KIF6: variants seen among roughly 807,000 people sequenced by gnomAD.
KIF6 encodes kinesin-like protein KIF6.
Under a neutral mutation model 112.7 loss-of-function variants are expected in KIF6, and 106 were observed. That is an observed-to-expected ratio of 0.94 (90% CI 0.80 to 1.11). KIF6 has a LOEUF of 1.11. Among genes scored for constraint, KIF6 ranks in the 50% least tolerant of loss-of-function variants. The pLI, the probability that KIF6 is intolerant of heterozygous loss-of-function variation, is 0.00. For synonymous variants in KIF6, 339 were observed against 339.9 expected, an observed-to-expected ratio of 1.00 and a Z score of 0.03; for missense variants, 929 against 964.0, an observed-to-expected ratio of 0.96 and a Z score of 0.48.
intron 22 of KIF6, among the ~76,000 whole-genome samples, chr6:39,337,158 T>C (rs1045746058): frequency 9.8e-5 from 7 of 71,214 alleles, no homozygotes; most frequent in African/African-American, 5.9e-4. Flanking sequence ...CTCTTTCTTT[T>C]CTTTCTTTCC....
In KIF6 at chr6:39,724,211, G is replaced by A. The variant is rs570573924; in HGVS notation, c.66+1034C>T. Reference sequence around the variant, plus strand: ...CACGCCTGTAATCCCAGCACTTTGGGAGGCCGAGGCGGGCGGATCACAAGA... The same window carrying A: ...CACGCCTGTAATCCCAGCACTTTGGAAGGCCGAGGCGGGCGGATCACAAGA... On this transcript the variant is annotated intron_variant, in intron 1 of 22. Transcript: ENST00000287152. Among the ~76,000 whole-genome samples, 3 of 152,324 alleles carry A rather than the reference G, an allele frequency of 2.0e-5. No individual in the cohort carries two copies. The East Asian group carries it at 5.8e-4, about 29-fold the overall frequency.
In KIF6 at chr6:39,584,894, T is replaced by G. The variant is rs1781534874; in HGVS notation, c.1077+4A>C. 1 of 1,571,718 alleles carries G rather than the reference T, an allele frequency of 6.4e-7. No homozygotes were observed. On this transcript the variant is annotated splice_donor_region_variant and intron_variant, in intron 9 of 22. Coordinates refer to ENST00000287152, the MANE Select transcript of KIF6 (RefSeq NM_145027.6). ...TTTTTAAAATATCGTTAAAAGTTGCTTACTAATCTGGGGTTAATTTCTTCA... is the reference window on the plus strand; with the variant it reads ...TTTTTAAAATATCGTTAAAAGTTGCGTACTAATCTGGGGTTAATTTCTTCA...
At chr6:39,353,489 T>C (rs567040926) in intron 19 of KIF6, among the ~76,000 whole-genome samples, 36 of 152,252 alleles carry the variant, frequency 2.4e-4, no homozygotes, top group Non-Finnish European at 4.9e-4. Flanking sequence ...TTATCAGATA[T>C]ATGTTTTGCA....
chr6:39,578,244 T>C (rs1245841142), intron 9 of KIF6, 85 bp from the exon 10 acceptor site: 5 of 866,160 alleles, frequency 5.8e-6, no homozygotes, highest in Non-Finnish European at 9.7e-6. Flanking sequence ...CTTAAAATTA[T>C]GGACAATTTT....
intron 13 of KIF6, among the ~76,000 whole-genome samples, chr6:39,510,872 C>CAAAAAAAAAAAA (rs1180631310): frequency 2.5e-4 from 6 of 23,860 alleles, no homozygotes; most frequent in African/African-American, 3.1e-4. Flanking sequence ...AAATGGGAAG[C>CAAAAAAAAAAAA]AAAAAAAAAA....
chr6:39,720,602 A>G (rs1038411637), intron 2 of KIF6, 100 bp downstream of exon 2: 2 of 686,978 alleles, frequency 2.9e-6, no homozygotes, highest in Non-Finnish European at 5.1e-6. Flanking sequence ...TGCATTTTCC[A>G]CAAGAAATGG....
intron 10 of KIF6, among the ~76,000 whole-genome samples, chr6:39,549,600 G>C (rs900143181): frequency 1.2e-4 from 19 of 152,142 alleles, no homozygotes; most frequent in African/African-American, 4.1e-4. Context: ...TTCTAAAAGG[G>C]AGAACCCACA....
chr6:39,699,857 G>A (rs903490706), intron 3 of KIF6, among the ~76,000 whole-genome samples: 8 of 151,846 alleles, frequency 5.3e-5, no homozygotes, highest in Admixed American at 2.6e-4. Context: ...AAATTTCCTC[G>A]CTTACTTTTC....
intron 17 of KIF6, 34 bp from the exon 18 acceptor site, chr6:39,360,564 C>T: frequency 6.2e-7 from 1 of 1,613,554 alleles, no homozygotes; most frequent in Non-Finnish European, 8.5e-7. Context: ...CAGGGCACTG[C>T]TGTCTTGAAA....
At chr6:39,504,574 T>A (rs1776332545) in intron 13 of KIF6, among the ~76,000 whole-genome samples, 1 of 152,216 alleles carries the variant, frequency 6.6e-6, no homozygotes, top group Non-Finnish European at 1.5e-5. Context: ...TCTTTGCAGA[T>A]GACATGATCC....
At chr6:39,621,041 T>G (rs1433205478) in intron 5 of KIF6, among the ~76,000 whole-genome samples, 2 of 152,114 alleles carry the variant, frequency 1.3e-5, no homozygotes, top group Admixed American at 1.3e-4. Context: ...AGTGCTGGGA[T>G]TACAGGTGTG....
At chr6:39,577,956 C>A (rs1303093428) in intron 10 of KIF6, 100 bp downstream of exon 10, 3 of 772,548 alleles carry the variant, frequency 3.9e-6, no homozygotes, top group South Asian at 3.3e-5. Flanking sequence ...TCCCAGGAGA[C>A]CTTCATGCTT....
At chr6:39,510,103 T>A (rs1210105294) in intron 13 of KIF6, among the ~76,000 whole-genome samples, 1 of 150,770 alleles carries the variant, frequency 6.6e-6, no homozygotes, top group Non-Finnish European at 1.5e-5. Context: ...TCTTTTTTTT[T>A]TTTTTTTTGA....
intron 13 of KIF6, among the ~76,000 whole-genome samples, chr6:39,460,309 G>A (rs1259614402): frequency 2.6e-5 from 3 of 117,378 alleles, no homozygotes; most frequent in East Asian, 4.9e-4. Context: ...TCACTCATAG[G>A]TGGGAATTGA....
intron 10 of KIF6, among the ~76,000 whole-genome samples, chr6:39,562,717 T>C (rs1288349762): frequency 6.6e-6 from 1 of 152,170 alleles, no homozygotes; most frequent in Non-Finnish European, 1.5e-5. Flanking sequence ...ACTACATATA[T>C]AAAAAGTCTA....
At chr6:39,632,106 T>C (rs1023554098) in intron 5 of KIF6, among the ~76,000 whole-genome samples, 1 of 152,080 alleles carries the variant, frequency 6.6e-6, no homozygotes, top group Non-Finnish European at 1.5e-5. Context: ...TGACATAATA[T>C]ATACAAAATC....
intron 13 of KIF6, among the ~76,000 whole-genome samples, chr6:39,536,900 G>T (rs1304646704): frequency 5.9e-5 from 9 of 152,126 alleles, no homozygotes; most frequent in Non-Finnish European, 1.0e-4. Flanking sequence ...GGGATGCAAG[G>T]CTGGTTCAAT....
chr6:39,635,736 T>C (rs529901512), intron 4 of KIF6, among the ~76,000 whole-genome samples: 16 of 152,188 alleles, frequency 1.1e-4, no homozygotes, highest in African/African-American at 1.4e-4. Flanking sequence ...AAATGACCCA[T>C]TCCCTCTGAG....
rs553363386 is a variant in KIF6 at position 39,532,845 on chromosome 6, T to A, written c.1645+7158A>T. On this transcript the variant is annotated intron_variant, in intron 13 of 22. Coordinates refer to ENST00000287152, the MANE Select transcript of KIF6 (RefSeq NM_145027.6). ...CCAAAAAGGGAAGGGCTTTACCCATTTGTTCTAGGACATTCCATAGATCTG... is the reference window on the plus strand; with the variant it reads ...CCAAAAAGGGAAGGGCTTTACCCATATGTTCTAGGACATTCCATAGATCTG... Among the ~76,000 whole-genome samples, 7 of 152,336 alleles carry A rather than the reference T, an allele frequency of 4.6e-5. 1 individual carries two copies. The South Asian group carries it at 1.4e-3, about 32-fold the overall frequency.
Sources: allele counts gnomAD v4.1 joint callset (sites outside exome capture counted in the v4.1 genomes callset), GRCh38; gene constraint gnomAD v4.1.1; transcripts MANE v1.5; gene names NCBI Gene and HGNC (gene_info 2026-07-23, HGNC 2026-07-21).